GLIS3: variants seen among roughly 807,000 people sequenced by gnomAD.
The protein encoded by GLIS3 is zinc finger protein GLIS3.
GLIS3 carries 53 observed loss-of-function variants against 78.6 expected under a neutral mutation model. The observed-to-expected ratio is 0.67, with a 90% CI of 0.54 to 0.85. The LOEUF (loss-of-function observed/expected upper bound fraction) is 0.85. Among genes scored for constraint, GLIS3 ranks in the 40% least tolerant of loss-of-function variants. GLIS3 has a pLI of 0.00. For synonymous variants in GLIS3, 684 were observed against 509.9 expected (o/e 1.34, Z -4.60); for missense variants, 1,703 against 1,231.1 (o/e 1.38, Z -5.74).
intron 2 of GLIS3, among the ~76,000 whole-genome samples, chr9:4,282,667 T>C (rs1023083843): frequency 2.6e-5 from 4 of 152,136 alleles, no homozygotes; most frequent in African/African-American, 7.2e-5. Context: ...CTCCAGCTGA[T>C]TGACTCTCCC....
the GLIS3 span, among the ~76,000 whole-genome samples, chr9:4,448,250 G>C: frequency 6.6e-6 from 1 of 152,102 alleles, no homozygotes; most frequent in Non-Finnish European, 1.5e-5. Flanking sequence ...CATCTATCGG[G>C]GATCATTTCA....
the GLIS3 span, among the ~76,000 whole-genome samples, chr9:4,353,466 G>C: frequency 6.6e-6 from 1 of 152,120 alleles, no homozygotes; most frequent in Non-Finnish European, 1.5e-5. Context: ...TCAGGGCCAG[G>C]GATTGTCTCT....
At chr9:4,449,777 C>G in the GLIS3 span, among the ~76,000 whole-genome samples, 1 of 152,096 alleles carries the variant, frequency 6.6e-6, no homozygotes, top group South Asian at 2.1e-4. Context: ...AAAAAAACAA[C>G]AAACAGAAAG....
At chr9:4,481,456 G>A in the GLIS3 span, among the ~76,000 whole-genome samples, 1 of 151,214 alleles carries the variant, frequency 6.6e-6, no homozygotes, top group Non-Finnish European at 1.5e-5. Context: ...CTCCAGCCTG[G>A]GCAACAGAGC....
At chr9:4,114,356 C>T (rs1831462353) in intron 4 of GLIS3, among the ~76,000 whole-genome samples, 1 of 152,128 alleles carries the variant, frequency 6.6e-6, no homozygotes, top group African/African-American at 2.4e-5. Context: ...GATTAGTGTA[C>T]ATCTATTGTT....
the GLIS3 span, among the ~76,000 whole-genome samples, chr9:4,469,168 C>T: frequency 6.6e-6 from 1 of 152,280 alleles, no homozygotes; most frequent in Non-Finnish European, 1.5e-5. Context: ...GAGACTTAGA[C>T]TCCTACACAA....
chr9:4,061,841 A>T (rs926200589), intron 4 of GLIS3, among the ~76,000 whole-genome samples: 10 of 152,224 alleles, frequency 6.6e-5, no homozygotes, highest in Non-Finnish European at 1.3e-4. Flanking sequence ...GTGAGAAATG[A>T]GAACTGTCAA....
chr9:4,121,870 T>C (rs1019358705), intron 3 of GLIS3, among the ~76,000 whole-genome samples: 2 of 152,182 alleles, frequency 1.3e-5, no homozygotes, highest in Non-Finnish European at 2.9e-5. Context: ...CAATAATATG[T>C]TGAATGAATG....
chr9:4,082,120 G>C (rs944747159), intron 4 of GLIS3, among the ~76,000 whole-genome samples: 3 of 152,196 alleles, frequency 2.0e-5, no homozygotes, highest in Non-Finnish European at 2.9e-5. Flanking sequence ...ATATGTTTGT[G>C]CTCTGTGCAT....
intron 2 of GLIS3, among the ~76,000 whole-genome samples, chr9:4,311,817 G>A (rs1369297512): frequency 1.3e-5 from 2 of 152,184 alleles, no homozygotes; most frequent in South Asian, 2.1e-4. Context: ...TAGGTGACAG[G>A]AATTCAGTTA....
At chr9:4,384,885 C>A in the GLIS3 span, among the ~76,000 whole-genome samples, 1 of 152,086 alleles carries the variant, frequency 6.6e-6, no homozygotes, top group Non-Finnish European at 1.5e-5. Flanking sequence ...AACTGGGAAC[C>A]TGGAGCCAGA....
chr9:4,481,693 T>A, the GLIS3 span, among the ~76,000 whole-genome samples: 6 of 152,194 alleles, frequency 3.9e-5, no homozygotes, highest in Non-Finnish European at 5.9e-5. Flanking sequence ...ACTAGACAGT[T>A]AAGTTGTTTC....
At chr9:4,426,180 C>A in the GLIS3 span, among the ~76,000 whole-genome samples, 3 of 152,174 alleles carry the variant, frequency 2.0e-5, no homozygotes, top group Non-Finnish European at 2.9e-5. Context: ...CCAAAGTCAT[C>A]TGATTTCCTC....
chr9:4,160,659 G>A (rs554779560), intron 2 of GLIS3, among the ~76,000 whole-genome samples: 1 of 152,184 alleles, frequency 6.6e-6, no homozygotes, highest in Non-Finnish European at 1.5e-5. Context: ...TGTATTTTAG[G>A]TAAGACTTAC....
At chr9:3,852,100 G>A (rs1309346108) in intron 9 of GLIS3, among the ~76,000 whole-genome samples, 3 of 151,574 alleles carry the variant, frequency 2.0e-5, no homozygotes, top group South Asian at 2.1e-4. Flanking sequence ...AGCCAAGAAC[G>A]TGTCACGGTA....
At chr9:4,284,622 A>T (rs1006328856) in intron 2 of GLIS3, among the ~76,000 whole-genome samples, 3 of 152,052 alleles carry the variant, frequency 2.0e-5, no homozygotes, top group African/African-American at 7.2e-5. Context: ...AAAAATAAAT[A>T]AATTAAGGCC....
chr9:3,988,646 C>T (rs1458446656), intron 4 of GLIS3, among the ~76,000 whole-genome samples: 1 of 152,052 alleles, frequency 6.6e-6, no homozygotes, highest in Non-Finnish European at 1.5e-5. Flanking sequence ...ATAATCAACT[C>T]AGTGAAGGAA....
intron 1 of GLIS3, among the ~76,000 whole-genome samples, chr9:4,287,982 T>C: frequency 6.6e-6 from 1 of 152,184 alleles, no homozygotes; most frequent in East Asian, 1.9e-4. Flanking sequence ...TTTAATACTA[T>C]CATGCCATCT....
chr9:4,089,834 C>T (rs541750648), intron 4 of GLIS3, among the ~76,000 whole-genome samples: 4 of 152,000 alleles, frequency 2.6e-5, no homozygotes, highest in Admixed American at 1.3e-4. Flanking sequence ...CAACAAAAAC[C>T]CATAAAAAAT....
Sources: allele counts gnomAD v4.1 joint callset (sites outside exome capture counted in the v4.1 genomes callset), GRCh38; gene constraint gnomAD v4.1.1; transcripts MANE v1.5; gene names NCBI Gene and HGNC (gene_info 2026-07-23, HGNC 2026-07-21).